Variants in PAPPA observed in about 807,000 individuals in gnomAD.
The protein encoded by PAPPA is pappalysin-1.
In PAPPA, 60 loss-of-function variants were observed where a neutral mutation model predicts 164.0. The ratio of observed to expected loss-of-function variants is 0.37; its 90% confidence interval spans 0.30 to 0.45. PAPPA has a LOEUF of 0.45. PAPPA is among the 20% of genes least tolerant of loss of function. The pLI is 1.00. For missense variants in PAPPA, 1,782 were observed against 2,087.3 expected, an observed-to-expected ratio of 0.85 and a Z score of 2.85; for synonymous variants, 875 against 814.1, an observed-to-expected ratio of 1.07 and a Z score of -1.27.
rs1376446518 is a variant in PAPPA, at chr9:116,265,945, A to G, written c.2821A>G (p.Ile941Val). 8.7e-6 allele frequency: 14 copies of G among 1,612,950 alleles called. No homozygotes were observed. The highest frequency in any genetic ancestry group is 5.0e-5 in the Admixed American group (3 of 59,996). ...ESEPSPAVTY[I>V]HGSGYCGDGI... Reference sequence around the variant, plus strand: ...TGAGCCATCACCTGCTGTCACATACATCCATGGAAGTGGGTACTGTGGCGA... The same window carrying G: ...TGAGCCATCACCTGCTGTCACATACGTCCATGGAAGTGGGTACTGTGGCGA... The change falls in exon 8 of 22, where the codon ATC becomes GTC. Residue 941 changes from isoleucine to valine, a missense_variant. Ile to Val is a conservative substitution (Grantham distance 29). Coordinates refer to ENST00000328252, the MANE Select transcript of PAPPA (RefSeq NM_002581.5).
intron 5 of PAPPA, among the ~76,000 whole-genome samples, chr9:116,221,421 TAGTTGC>T (rs1844444800): frequency 6.6e-6 from 1 of 152,220 alleles, no homozygotes; most frequent in South Asian, 2.1e-4. Flanking sequence ...TACTTTATTG[TAGTTGC>T]TGGGATCTAT....
intron 7 of PAPPA, among the ~76,000 whole-genome samples, chr9:116,247,878 T>C (rs879400382): frequency 7.2e-5 from 11 of 152,336 alleles, no homozygotes; most frequent in Admixed American, 7.2e-4. Flanking sequence ...TGGAACAGCT[T>C]TCTTCCATTG....
rs1010195862 is a variant in PAPPA at position 116,401,390 on chromosome 9, C to T, written c.*4774C>T. The T allele has an allele frequency of 6.6e-6, 1 of 152,462 alleles. No individual in the cohort carries two copies. Among genetic ancestry groups the T allele is most frequent in the Non-Finnish European group, 1.5e-5 (1 of 67,986 alleles). 9.4% of individuals were successfully genotyped at this position (152,462 alleles called of 1,614,324 possible). ...AGTGTTCCATTAAAAGAAGATAAGG[C>T]ATTCTGAGTGCAAACAAATGGGGGC... is the stretch of plus-strand genomic sequence containing the variant. On this transcript the variant is annotated 3_prime_UTR_variant, in exon 22 of 22. Transcript: ENST00000328252.
chr9:116,364,480 A>G (rs571077489), intron 18 of PAPPA, among the ~76,000 whole-genome samples: 1 of 152,290 alleles, frequency 6.6e-6, no homozygotes, highest in Non-Finnish European at 1.5e-5. Context: ...ACACCTACAC[A>G]TCAGCCAAAT....
At chr9:116,222,769 T>C (rs1413314437) in intron 5 of PAPPA, among the ~76,000 whole-genome samples, 2 of 152,174 alleles carry the variant, frequency 1.3e-5, no homozygotes, top group African/African-American at 4.8e-5. Flanking sequence ...GCTTTAGTGA[T>C]CTGTTGCACA....
chr9:116,319,410 C>G (rs902924296), intron 10 of PAPPA, among the ~76,000 whole-genome samples: 7 of 152,184 alleles, frequency 4.6e-5, no homozygotes, highest in African/African-American at 1.7e-4. Flanking sequence ...GGAGCTGATG[C>G]CAACCCCATG....
intron 7 of PAPPA, among the ~76,000 whole-genome samples, chr9:116,236,317 G>A (rs1844665393): frequency 6.6e-6 from 1 of 152,002 alleles, no homozygotes; most frequent in South Asian, 2.1e-4. Context: ...CAGGGAGGTG[G>A]CTCACTCCTG....
chr9:116,327,388 C>A (rs915138968), intron 10 of PAPPA, among the ~76,000 whole-genome samples: 63 of 152,098 alleles, frequency 4.1e-4, no homozygotes, highest in Non-Finnish European at 7.3e-4. Context: ...TTGGGAATGT[C>A]ACCGGAGCCA....
intron 7 of PAPPA, among the ~76,000 whole-genome samples, chr9:116,264,039 C>T (rs572111272): frequency 3.3e-5 from 5 of 152,202 alleles, no homozygotes; most frequent in African/African-American, 9.6e-5. Context: ...CACAATGTGG[C>T]CGTTTAAAAA....
chr9:116,235,679 G>C, intron 7 of PAPPA, 42 bp downstream of exon 7: 1 of 1,606,406 alleles, frequency 6.2e-7, no homozygotes, highest in Non-Finnish European at 8.5e-7. Context: ...AAGTGGGTGG[G>C]TTGTGGAGGA....
At chr9:116,288,261 T>G (rs1035616634) in intron 9 of PAPPA, among the ~76,000 whole-genome samples, 2 of 151,916 alleles carry the variant, frequency 1.3e-5, no homozygotes, top group African/African-American at 4.8e-5. Context: ...CCCAGCTACT[T>G]GGGAGGCTGA....
intron 12 of PAPPA, among the ~76,000 whole-genome samples, chr9:116,333,898 C>T (rs547102128): frequency 1.6e-4 from 25 of 152,232 alleles, no homozygotes; most frequent in East Asian, 5.8e-4. Context: ...TCTATGACAT[C>T]CCAGCATTCT....
chr9:116,154,691 T>G lies in PAPPA; in HGVS notation c.415+104T>G, dbSNP rs1843580270. On this transcript the variant is annotated intron_variant, in intron 1 of 21. Transcript: ENST00000328252. This position sits in a 1 kb window ranked among gnomAD's most constrained non-coding sequence, Gnocchi z 5.2. ...GGCGGGTCGGGGGCTTGCGGGCGTG[T>G]CTGTGCGAGAGCTGCCCCGCGAGCG... 1 of 1,214,750 alleles carries G rather than the reference T, an allele frequency of 8.2e-7. No individual in the cohort carries two copies. Among genetic ancestry groups the G allele is most frequent in the African/African-American group, 1.6e-5 (1 of 63,484 alleles). 75.2% of individuals were successfully genotyped at this position (1,214,750 alleles called of 1,614,324 possible). A position where few individuals can be genotyped will look rare whatever the true frequency, so the allele number is the denominator to read the frequency against.
chr9:116,338,069 T>A (rs1846084549), intron 13 of PAPPA, among the ~76,000 whole-genome samples: 1 of 152,190 alleles, frequency 6.6e-6, no homozygotes, highest in Non-Finnish European at 1.5e-5. Context: ...GAGGCTCCAG[T>A]ATCTGTCACA....
At chr9:116,218,715 C>T (rs1006002066) in intron 4 of PAPPA, among the ~76,000 whole-genome samples, 1 of 152,170 alleles carries the variant, frequency 6.6e-6, no homozygotes, top group Non-Finnish European at 1.5e-5. Context: ...TATATCCATA[C>T]AATGTCTCAT....
At chr9:116,309,668 GGGGCTGCGA>G (rs1469692432) in intron 10 of PAPPA, among the ~76,000 whole-genome samples, 1 of 151,986 alleles carries the variant, frequency 6.6e-6, no homozygotes, top group Non-Finnish European at 1.5e-5. Flanking sequence ...TCACATAATG[GGGGCTGCGA>G]GGGGTATATC....
At chr9:116,258,399 GT>G (rs1463584346) in intron 7 of PAPPA, among the ~76,000 whole-genome samples, 1 of 152,116 alleles carries the variant, frequency 6.6e-6, no homozygotes, top group Non-Finnish European at 1.5e-5. Flanking sequence ...GCTCATGCCT[GT>G]AATCCCAGCA....
At chr9:116,363,822 G>A (rs7027103) in intron 18 of PAPPA, among the ~76,000 whole-genome samples, 1 of 152,178 alleles carries the variant, frequency 6.6e-6, no homozygotes, top group Non-Finnish European at 1.5e-5. Context: ...CATGGGGACT[G>A]TCCATCCTTT....
rs1394779772 is a variant in PAPPA, at chr9:116,154,134, G to C, written c.-39G>C. 5.0e-6 allele frequency: 7 copies of C among 1,404,978 alleles called. No individual in the cohort carries two copies. The highest frequency in any genetic ancestry group is 6.5e-6 in the Non-Finnish European group (7 of 1,071,172). 87.0% of individuals were successfully genotyped at this position (1,404,978 alleles called of 1,614,324 possible). ...CCCAAAGCTGGCAGCTCCGGGTGGCGGTGCAGGGGCGAAGGGGGGGCGGGG... is the reference window on the plus strand; with the variant it reads ...CCCAAAGCTGGCAGCTCCGGGTGGCCGTGCAGGGGCGAAGGGGGGGCGGGG... On this transcript the variant is annotated 5_prime_UTR_variant, in exon 1 of 22. Transcript: ENST00000328252. The surrounding 1 kb of genome is among the most constrained non-coding windows in gnomAD (Gnocchi z 5.2).
Sources: gnomAD v4.1 joint callset for allele counts (sites outside exome capture counted in the v4.1 genomes callset) on GRCh38, gnomAD v4.1.1 for gene constraint, Gnocchi (gnomAD v3.1) non-coding constraint, MANE v1.5 for transcripts, NCBI Gene and HGNC (gene_info 2026-07-23, HGNC 2026-07-21) for gene names.